DIP2C: variants seen among roughly 807,000 people sequenced by gnomAD.
The protein encoded by DIP2C is DIP2 acetate--CoA ligase C (putative).
In DIP2C, 33 loss-of-function variants were observed where a neutral mutation model predicts 192.4. The ratio of observed to expected loss-of-function variants is 0.17; its 90% confidence interval spans 0.13 to 0.23. The LOEUF is 0.23. Among genes scored for constraint, DIP2C ranks in the 10% least tolerant of loss-of-function variants. The pLI, the probability that DIP2C is intolerant of heterozygous loss-of-function variation, is 1.00. For missense variants in DIP2C, 1,537 were observed against 2,110.1 expected (o/e 0.73, Z 5.32); for synonymous variants, 979 against 864.1 (o/e 1.13, Z -2.33).
chr10:546,340 ACAG>A (rs368879872), intron 1 of DIP2C, among the ~76,000 whole-genome samples: 7 of 152,138 alleles, frequency 4.6e-5, no homozygotes, highest in African/African-American at 1.4e-4. Context: ...ATGTTAATAA[ACAG>A]CACAGTCTTA....
rs369865647 is a variant in DIP2C at position 280,154 on chromosome 10, C to T, written c.4418+1046G>A. ...AGGGGCTTAGCCAACTTGAGCCACA[C>T]GAACACGGACAGGTATGCAGACTTG... On this transcript the variant is annotated intron_variant, in intron 36 of 36. Coordinates refer to ENST00000280886, the MANE Select transcript of DIP2C (RefSeq NM_014974.3). 5.3e-5 allele frequency among the ~76,000 whole-genome samples: 8 copies of T among 152,280 alleles called. No individual in the cohort carries two copies. In the East Asian group the frequency reaches 1.2e-3, roughly 22 times the overall value.
intron 1 of DIP2C, among the ~76,000 whole-genome samples, chr10:617,913 A>C (rs1277506442): frequency 6.7e-6 from 1 of 149,292 alleles, no homozygotes; most frequent in East Asian, 2.0e-4. Flanking sequence ...GTTTACAGAA[A>C]TCCACTTTGA....
At chr10:409,943 A>C (rs764931813) in intron 8 of DIP2C, among the ~76,000 whole-genome samples, 1 of 152,268 alleles carries the variant, frequency 6.6e-6, no homozygotes, top group Non-Finnish European at 1.5e-5. Flanking sequence ...CTCAGTAGTC[A>C]AGGTGTTAGA....
chr10:684,360 A>T (rs1236234764), intron 1 of DIP2C, among the ~76,000 whole-genome samples: 1 of 152,236 alleles, frequency 6.6e-6, no homozygotes, highest in Non-Finnish European at 1.5e-5. Flanking sequence ...TTTCAGATAG[A>T]TGTAACAACG....
At chr10:282,632 A>G (rs1183910287) in intron 35 of DIP2C, among the ~76,000 whole-genome samples, 1 of 152,224 alleles carries the variant, frequency 6.6e-6, no homozygotes, top group Non-Finnish European at 1.5e-5. Context: ...TAACTATACA[A>G]GTGCACTTTT....
At chr10:571,347 C>A (rs1256544491) in intron 1 of DIP2C, among the ~76,000 whole-genome samples, 1 of 152,190 alleles carries the variant, frequency 6.6e-6, no homozygotes, top group Admixed American at 6.5e-5. Context: ...AAGGGTCAGC[C>A]CTGCCAGGCC....
chr10:616,759 A>G (rs898414812), intron 1 of DIP2C, among the ~76,000 whole-genome samples: 2 of 152,244 alleles, frequency 1.3e-5, no homozygotes, highest in Non-Finnish European at 2.9e-5. Flanking sequence ...CCAGGCAAGC[A>G]TAGAGAGTCT....
chr10:391,529 A>C (rs933637273), intron 10 of DIP2C, among the ~76,000 whole-genome samples: 4 of 152,242 alleles, frequency 2.6e-5, no homozygotes, highest in Admixed American at 2.6e-4. Context: ...GACCTACGCC[A>C]GTCGTCACTC....
At chr10:461,691 C>G (rs904442718) in intron 3 of DIP2C, among the ~76,000 whole-genome samples, 2 of 152,166 alleles carry the variant, frequency 1.3e-5, no homozygotes, top group Non-Finnish European at 2.9e-5. Flanking sequence ...ACCTAATAGA[C>G]ATCTACAAAA....
At chr10:609,966 C>CAG (rs2131768768) in intron 1 of DIP2C, among the ~76,000 whole-genome samples, 1 of 152,190 alleles carries the variant, frequency 6.6e-6, no homozygotes, top group South Asian at 2.1e-4. Context: ...GCTTTGGGGA[C>CAG]AGGCTGCTTG....
intron 1 of DIP2C, among the ~76,000 whole-genome samples, chr10:649,265 T>G (rs1335554911): frequency 6.8e-6 from 1 of 146,228 alleles, no homozygotes. Flanking sequence ...AGAGGAAAAC[T>G]GAGTCCACGT....
intron 1 of DIP2C, among the ~76,000 whole-genome samples, chr10:657,852 G>C (rs1174724234): frequency 5.0e-3 from 680 of 136,240 alleles, no homozygotes; most frequent in African/African-American, 0.018. Context: ...TGGACCTGCC[G>C]CTGGACCTGA....
chr10:349,893 A>G (rs1343334261), intron 24 of DIP2C, among the ~76,000 whole-genome samples: 1 of 152,208 alleles, frequency 6.6e-6, no homozygotes. Flanking sequence ...AAAATCAAGG[A>G]AGTCAGAAAG....
intron 1 of DIP2C, among the ~76,000 whole-genome samples, chr10:527,819 C>G (rs556469650): frequency 2.6e-5 from 4 of 152,218 alleles, no homozygotes; most frequent in Non-Finnish European, 5.9e-5. Context: ...CCAGGTACCG[C>G]TGAATGGCAT....
chr10:551,165 A>G (rs1848565154), intron 1 of DIP2C, among the ~76,000 whole-genome samples: 1 of 152,158 alleles, frequency 6.6e-6, no homozygotes, highest in African/African-American at 2.4e-5. Context: ...CAACACCCAC[A>G]GCCAGTCCCC....
At chr10:530,925 C>T (rs572564643) in intron 1 of DIP2C, among the ~76,000 whole-genome samples, 2 of 152,284 alleles carry the variant, frequency 1.3e-5, no homozygotes, top group East Asian at 1.9e-4. Context: ...ACGCTGCCCA[C>T]GGGACCTTGG....
intron 1 of DIP2C, among the ~76,000 whole-genome samples, chr10:606,865 G>T (rs1240940675): frequency 6.6e-6 from 1 of 152,178 alleles, no homozygotes; most frequent in Non-Finnish European, 1.5e-5. Context: ...CACAGCTTCC[G>T]TGTGGCGTGT....
chr10:478,611 C>G (rs1030449836), intron 2 of DIP2C, among the ~76,000 whole-genome samples: 3 of 142,882 alleles, frequency 2.1e-5, no homozygotes, highest in African/African-American at 7.9e-5. Context: ...GGGCTGCAGA[C>G]ACATCCAAAT....
chr10:580,615 G>A (rs2131585817), intron 1 of DIP2C, among the ~76,000 whole-genome samples: 1 of 152,216 alleles, frequency 6.6e-6, no homozygotes, highest in Non-Finnish European at 1.5e-5. Context: ...ATGTACAATG[G>A]CAATACATAG....
Sources: gnomAD v4.1 joint callset for allele counts (sites outside exome capture counted in the v4.1 genomes callset) on GRCh38, gnomAD v4.1.1 for gene constraint, MANE v1.5 for transcripts, NCBI Gene and HGNC (gene_info 2026-07-23, HGNC 2026-07-21) for gene names.